Variants in RGS7BP observed in about 807,000 individuals in gnomAD.
The protein encoded by RGS7BP is regulator of G protein signaling 7-binding protein.
Under a neutral mutation model 31.3 loss-of-function variants are expected in RGS7BP, and 9 were observed. That is an observed-to-expected ratio of 0.29 (90% CI 0.17 to 0.50). RGS7BP has a LOEUF of 0.50. Ranked by LOEUF, RGS7BP falls within the 20% of genes least tolerant of loss-of-function variation. RGS7BP has a pLI of 0.98. For synonymous variants in RGS7BP, 115 were observed against 120.1 expected (o/e 0.96, Z 0.28); for missense variants, 274 against 322.0 (o/e 0.85, Z 1.14).
At chr5:64,562,505 G>A (rs1742078350) in intron 2 of RGS7BP, among the ~76,000 whole-genome samples, 1 of 152,060 alleles carries the variant, frequency 6.6e-6, no homozygotes, top group Non-Finnish European at 1.5e-5. Flanking sequence ...TAGAAACCCA[G>A]GGAGGGCTTT....
chr5:64,530,824 T>G (rs915599871), intron 2 of RGS7BP, among the ~76,000 whole-genome samples: 30 of 152,198 alleles, frequency 2.0e-4, no homozygotes, highest in African/African-American at 7.0e-4. Context: ...AATAATTTAT[T>G]GGAATCATTA....
At chr5:64,543,658 A>G (rs1741581131) in intron 2 of RGS7BP, among the ~76,000 whole-genome samples, 1 of 152,252 alleles carries the variant, frequency 6.6e-6, no homozygotes, top group South Asian at 2.1e-4. Flanking sequence ...GGTATAACCA[A>G]TCACCTGTGG....
intron 3 of RGS7BP, among the ~76,000 whole-genome samples, chr5:64,586,051 A>G (rs1010648209): frequency 6.6e-6 from 1 of 152,190 alleles, no homozygotes; most frequent in Non-Finnish European, 1.5e-5. Context: ...GGCAAAGCAA[A>G]ACATTGACAT....
chr5:64,506,719 A>G lies in RGS7BP; in HGVS notation c.95A>G (p.Asp32Gly). 1.9e-6 allele frequency: 3 copies of G among 1,611,690 alleles called. No homozygotes were observed. The highest frequency in any genetic ancestry group is 2.5e-6 in the Non-Finnish European group (3 of 1,178,454). ...AGCAAGCCCCCGCTGCAGAGCGGAG[A>G]TTGGGAGCGCAGGGGCAGCGGCTCC... ...QISKPPLQSGDWERRGSGSES... is the reference protein window; with the variant it reads ...QISKPPLQSGGWERRGSGSES... Residue 32 changes from aspartate to glycine, a missense_variant, in exon 1 of 6, where the codon GAT (aspartate) becomes GGT (glycine). Around this residue, in one of 3 missense-constraint regions of RGS7BP, gnomAD observed 149 missense variants for 152.6 expected, o/e 0.98. Coordinates refer to ENST00000334025, the MANE Select transcript of RGS7BP (RefSeq NM_001029875.3). The surrounding 1 kb of genome is among the most constrained non-coding windows in gnomAD (Gnocchi z 4.6).
intron 3 of RGS7BP, among the ~76,000 whole-genome samples, chr5:64,592,492 G>A (rs762577750): frequency 4.6e-5 from 7 of 152,122 alleles, no homozygotes; most frequent in Non-Finnish European, 8.8e-5. Flanking sequence ...CAGGTATTAA[G>A]TATAATCAAA....
Position 64,590,777 on chromosome 5 carries a change from G to A in RGS7BP, c.464-3933G>A, listed in dbSNP as rs149620605. ...TAAAATATCATGGAATTGCCACAAG[G>A]ATAAACAAATAAATATAAAATAAAA... On this transcript the variant is annotated intron_variant, in intron 3 of 5. Transcript: ENST00000334025. Among the ~76,000 whole-genome samples, 518 of 152,070 alleles carry A rather than the reference G, an allele frequency of 3.4e-3. 4 individuals carry two copies. The highest frequency in any genetic ancestry group is 0.012 in the African/African-American group (502 of 41,490).
chr5:64,609,516 C>G lies in RGS7BP; in HGVS notation c.*264C>G. On this transcript the variant is annotated 3_prime_UTR_variant, in exon 6 of 6. Transcript: ENST00000334025. ...GACATTGTGCATGTCTGCTCCAAAC[C>G]ACGCCATGACAGATGCAAGAATTAT... The G allele has an allele frequency of 4.7e-6, 2 of 426,304 alleles. No individual in the cohort carries two copies. Among genetic ancestry groups the G allele is most frequent in the Non-Finnish European group, 8.5e-6 (2 of 234,328 alleles). 26.4% of individuals were successfully genotyped at this position (426,304 alleles called of 1,614,324 possible).
intron 2 of RGS7BP, among the ~76,000 whole-genome samples, chr5:64,533,162 C>T (rs1274717877): frequency 6.6e-6 from 1 of 152,188 alleles, no homozygotes; most frequent in Non-Finnish European, 1.5e-5. Context: ...CCCTTCATTT[C>T]TTCCCTCTTG....
chr5:64,557,461 A>C (rs1393477774), intron 2 of RGS7BP, among the ~76,000 whole-genome samples: 1 of 152,188 alleles, frequency 6.6e-6, no homozygotes, highest in Non-Finnish European at 1.5e-5. Context: ...CAGCCCAGCC[A>C]GGATACCCAA....
chr5:64,553,457 A>T (rs573163761), intron 2 of RGS7BP, among the ~76,000 whole-genome samples: 1 of 151,992 alleles, frequency 6.6e-6, no homozygotes, highest in South Asian at 2.1e-4. Context: ...CAAGCGTGAG[A>T]CACCATGCCC....
At chr5:64,549,653 C>G (rs1186657918) in intron 2 of RGS7BP, among the ~76,000 whole-genome samples, 1 of 152,216 alleles carries the variant, frequency 6.6e-6, no homozygotes, top group Non-Finnish European at 1.5e-5. Flanking sequence ...CTGTCTCCAT[C>G]CCCTTCTGTT....
chr5:64,591,859 G>GT (rs1370164315), intron 3 of RGS7BP, among the ~76,000 whole-genome samples: 2 of 152,142 alleles, frequency 1.3e-5, no homozygotes, highest in African/African-American at 4.8e-5. Context: ...ATACTACTGT[G>GT]TGTAAGCCTT....
chr5:64,512,088 G>A (rs947239675), intron 2 of RGS7BP, among the ~76,000 whole-genome samples: 28 of 152,282 alleles, frequency 1.8e-4, no homozygotes, highest in African/African-American at 6.3e-4. Context: ...AGCACACCTT[G>A]GGAGTTACTG....
In RGS7BP at chr5:64,506,622, T is replaced by C. The variant is rs1580378124; in HGVS notation, c.-3T>C. 1 of 1,595,810 alleles carries C rather than the reference T, an allele frequency of 6.3e-7. No homozygotes were observed. Among genetic ancestry groups the C allele is most frequent in the Non-Finnish European group, 8.6e-7 (1 of 1,166,402 alleles). On this transcript the variant is annotated 5_prime_UTR_variant, in exon 1 of 6. It removes an upstream start codon present in the reference 5' UTR. Coordinates refer to ENST00000334025, the MANE Select transcript of RGS7BP (RefSeq NM_001029875.3). This position sits in a 1 kb window ranked among gnomAD's most constrained non-coding sequence, Gnocchi z 4.6. ...GCGGCTTCGGCTTGGTGGATGTGTA[T>C]GCATGAGTTCTGCACCGAATGGGCG...
intron 3 of RGS7BP, among the ~76,000 whole-genome samples, chr5:64,582,171 T>C (rs1379337020): frequency 6.6e-6 from 1 of 152,254 alleles, no homozygotes; most frequent in Non-Finnish European, 1.5e-5. Context: ...TCTTTTCCCA[T>C]TACTGAGTCC....
intron 3 of RGS7BP, among the ~76,000 whole-genome samples, chr5:64,581,820 T>C (rs928626068): frequency 6.6e-6 from 1 of 152,206 alleles, no homozygotes; most frequent in African/African-American, 2.4e-5. Context: ...CTTGGAAATC[T>C]TTTTTACTTT....
At chr5:64,585,481 G>A (rs1368550823) in intron 3 of RGS7BP, among the ~76,000 whole-genome samples, 2 of 151,798 alleles carry the variant, frequency 1.3e-5, no homozygotes, top group Non-Finnish European at 2.9e-5. Flanking sequence ...ACGAGTGGAG[G>A]AGAAAGGATG....
At chr5:64,569,190 A>G (rs1277497610) in intron 2 of RGS7BP, among the ~76,000 whole-genome samples, 4 of 152,198 alleles carry the variant, frequency 2.6e-5, no homozygotes, top group East Asian at 1.9e-4. Flanking sequence ...AGAGCCAGCC[A>G]TATGTTCCCA....
At chr5:64,600,583 A>G (rs1413040531) in intron 5 of RGS7BP, among the ~76,000 whole-genome samples, 1 of 152,224 alleles carries the variant, frequency 6.6e-6, no homozygotes, top group Non-Finnish European at 1.5e-5. Flanking sequence ...ATCAAAATAA[A>G]TTATACTCAG....
Sources: allele counts gnomAD v4.1 joint callset (sites outside exome capture counted in the v4.1 genomes callset), GRCh38; gene constraint gnomAD v4.1.1; regional missense constraint gnomAD v4.1.1; non-coding constraint Gnocchi (gnomAD v3.1); transcripts MANE v1.5; gene names NCBI Gene and HGNC (gene_info 2026-07-23, HGNC 2026-07-21).